Variants in PCM1 observed in about 807,000 individuals in gnomAD.
PCM1 encodes pericentriolar material 1, also known as pericentriolar material 1 protein.
In PCM1, 157 loss-of-function variants were observed where a neutral mutation model predicts 241.9. That is an observed-to-expected ratio of 0.65 (90% CI 0.57 to 0.74). The LOEUF is 0.74. Among genes scored for constraint, PCM1 ranks in the 30% least tolerant of loss-of-function variants. The pLI, the probability that PCM1 is intolerant of heterozygous loss-of-function variation, is 0.00. For synonymous variants in PCM1, 1,085 were observed against 784.9 expected, an observed-to-expected ratio of 1.38 and a Z score of -6.39; for missense variants, 3,478 against 2,360.1, an observed-to-expected ratio of 1.47 and a Z score of -9.81.
intron 24 of PCM1, 73 bp downstream of exon 24, chr8:17,980,828 G>T (rs2080465843): frequency 2.5e-6 from 3 of 1,204,052 alleles, no homozygotes; most frequent in South Asian, 1.5e-5. Flanking sequence ...AATAAAGCAG[G>T]TGTTAAAATT....
intron 29 of PCM1, among the ~76,000 whole-genome samples, chr8:17,996,881 T>C (rs968955180): frequency 6.6e-6 from 1 of 152,214 alleles, no homozygotes; most frequent in Admixed American, 6.5e-5. Context: ...TCTTGAAAAG[T>C]TGTTGTAGCT....
At chr8:18,017,279 G>A (rs1248907184) in intron 36 of PCM1, among the ~76,000 whole-genome samples, 1 of 152,168 alleles carries the variant, frequency 6.6e-6, no homozygotes, top group South Asian at 2.1e-4. Flanking sequence ...TTAAAATACA[G>A]CAGGGAGTAT....
chr8:18,020,321 T>C (rs933411553), intron 36 of PCM1, among the ~76,000 whole-genome samples: 1 of 152,192 alleles, frequency 6.6e-6, no homozygotes, highest in African/African-American at 2.4e-5. Context: ...ATAGGAACTT[T>C]ATCTGACCTA....
At chr8:18,008,134 G>A (rs1457072129) in intron 30 of PCM1, among the ~76,000 whole-genome samples, 1 of 152,100 alleles carries the variant, frequency 6.6e-6, no homozygotes, top group Admixed American at 6.6e-5. Flanking sequence ...CCCCAGGCTG[G>A]TGAGCAGCAG....
At chr8:17,945,233 A>C (rs1000672601) in intron 6 of PCM1, among the ~76,000 whole-genome samples, 1 of 152,150 alleles carries the variant, frequency 6.6e-6, no homozygotes, top group African/African-American at 2.4e-5. Context: ...GAAATAAGCC[A>C]GACTAGGATG....
intron 35 of PCM1, 75 bp downstream of exon 35, chr8:18,014,111 ACAC>A (rs2092867797): frequency 3.9e-6 from 3 of 771,272 alleles, no homozygotes; most frequent in Non-Finnish European, 4.1e-6. Context: ...AAAAAAAAAA[ACAC>A]ACACAGAAAA....
intron 23 of PCM1, among the ~76,000 whole-genome samples, chr8:17,975,497 G>C (rs773386677): frequency 3.3e-5 from 5 of 152,110 alleles, no homozygotes; most frequent in Non-Finnish European, 7.4e-5. Flanking sequence ...GTGGTAAATA[G>C]AGGTGGGTGG....
intron 29 of PCM1, among the ~76,000 whole-genome samples, chr8:18,005,602 G>A (rs1022292087): frequency 2.6e-5 from 4 of 152,116 alleles, no homozygotes; most frequent in African/African-American, 9.7e-5. Flanking sequence ...AGTTAACCAT[G>A]ATTCATATTA....
At chr8:17,931,656 C>A (rs563476500) in intron 2 of PCM1, among the ~76,000 whole-genome samples, 11 of 152,238 alleles carry the variant, frequency 7.2e-5, no homozygotes, top group African/African-American at 2.6e-4. Flanking sequence ...ATAATTTTGA[C>A]TTAAATATCT....
rs750508950 is a variant in PCM1 at position 17,957,584 on chromosome 8, C to G, written c.1849C>G (p.Gln617Glu). ...REGEQEIHVA[Q>E]GEDDEEEEEE... ...AGGGGAACAGGAGATTCATGTTGCA[C>G]AAGGTGAAGATGATGAGGAGGAGGA... Residue 617 changes from glutamine to glutamate, a missense_variant, in exon 13 of 39, where the codon CAA becomes GAA. Gln to Glu is a conservative substitution (Grantham distance 29). Coordinates refer to ENST00000325083, the MANE Select transcript of PCM1 (RefSeq NM_006197.4). 5 of 1,572,416 alleles carry G rather than the reference C, an allele frequency of 3.2e-6. No individual in the cohort carries two copies. In the East Asian group the frequency reaches 9.4e-5, roughly 29 times the overall value.
intron 18 of PCM1, 104 bp from the exon 19 acceptor site, chr8:17,965,895 A>T (rs2074694391): frequency 2.8e-6 from 2 of 705,812 alleles, no homozygotes; most frequent in Middle Eastern, 2.5e-4. Context: ...CTTTTAATTT[A>T]AAACAGAATA....
intron 11 of PCM1, 60 bp downstream of exon 11, chr8:17,956,837 G>C: frequency 7.8e-7 from 1 of 1,285,030 alleles, no homozygotes; most frequent in Non-Finnish European, 1.1e-6. Flanking sequence ...TACTTATAAT[G>C]TGGGAACAAA....
intron 2 of PCM1, among the ~76,000 whole-genome samples, chr8:17,931,365 T>A (rs1299773341): frequency 6.6e-6 from 1 of 152,060 alleles, no homozygotes; most frequent in African/African-American, 2.4e-5. Context: ...CTCAGCACAC[T>A]GCAACCTCTG....
rs1486718459 is a variant in PCM1 at position 18,006,395 on chromosome 8, C to A, written c.4960C>A (p.Gln1654Lys). Residue 1654 changes from glutamine (Q) to lysine (K), a missense_variant and splice_region_variant, in exon 30 of 39, where the codon CAG becomes AAG. By Grantham distance (53) the Gln-to-Lys change is moderately conservative. Transcript: ENST00000325083. The stretch of plus-strand genomic sequence containing the variant: ...TCATAAACAACTTGGAAGTATATTA[C>A]AGGTAAGAGTTTATACTTGTATGAT... ...FFHKQLGSIL[Q>K]DSLAKFAGRK... 2 of 1,603,746 alleles carry A rather than the reference C, an allele frequency of 1.2e-6. No homozygotes were observed. Among genetic ancestry groups the A allele is most frequent in the African/African-American group, 2.7e-5 (2 of 74,756 alleles).
rs761444418 is a variant in PCM1, at chr8:17,957,704, C to G, written c.1969C>G (p.Gln657Glu). ...DEHPEDAEFE[Q>E]KINRLMAAKQ... ...GCATCCAGAAGATGCTGAATTTGAA[C>G]AGAAGATCAACCGACTTATGGCTGC... Residue 657 changes from glutamine (Q) to glutamate (E), a missense_variant, in exon 13 of 39, where the codon CAG becomes GAG. By Grantham distance (29) the Gln-to-Glu change is conservative (BLOSUM62 2). Transcript: ENST00000325083. 7 of 1,613,178 alleles carry G rather than the reference C, an allele frequency of 4.3e-6. No individual in the cohort carries two copies. Among genetic ancestry groups the G allele is most frequent in the Non-Finnish European group, 4.2e-6 (5 of 1,179,572 alleles).
chr8:18,018,934 A>C (rs1224073854), intron 36 of PCM1, among the ~76,000 whole-genome samples: 6 of 116,190 alleles, frequency 5.2e-5, no homozygotes, highest in Admixed American at 3.3e-4. Flanking sequence ...TATAATATAT[A>C]ACAAAGTTGG....
chr8:18,013,260 T>A (rs990979087), intron 34 of PCM1, among the ~76,000 whole-genome samples: 1 of 152,182 alleles, frequency 6.6e-6, no homozygotes, highest in Non-Finnish European at 1.5e-5. Context: ...TATTCTGTTT[T>A]CAGTATTCTA....
intron 2 of PCM1, among the ~76,000 whole-genome samples, chr8:17,930,598 G>T (rs2058681218): frequency 6.6e-6 from 1 of 151,962 alleles, no homozygotes. Flanking sequence ...TGTGAATGTG[G>T]CCGGGTGCGG....
intron 36 of PCM1, among the ~76,000 whole-genome samples, chr8:18,023,644 C>G (rs373434701): frequency 6.6e-6 from 1 of 152,158 alleles, no homozygotes; most frequent in Admixed American, 6.5e-5. Flanking sequence ...TAAGCAAGGC[C>G]TCCTCCATTG....
Sources: allele counts gnomAD v4.1 joint callset (sites outside exome capture counted in the v4.1 genomes callset), GRCh38; gene constraint gnomAD v4.1.1; transcripts MANE v1.5; gene names NCBI Gene and HGNC (gene_info 2026-07-23, HGNC 2026-07-21).